Variants in RIPPLY3 observed in about 807,000 individuals in gnomAD.
RIPPLY3 encodes ripply transcriptional repressor 3.
A neutral mutation model predicts 11.9 loss-of-function variants in RIPPLY3; 8 were observed. That is an observed-to-expected ratio of 0.67 (90% CI 0.40 to 1.21). The LOEUF is 1.21. RIPPLY3 is among the 50% of genes most tolerant of loss of function. The probability of loss-of-function intolerance (pLI) is 0.01; values close to 1 mark genes in which losing one functional copy is unlikely to be tolerated. For synonymous variants in RIPPLY3, 102 were observed against 99.0 expected, an observed-to-expected ratio of 1.03 and a Z score of -0.18; for missense variants, 271 against 246.0, an observed-to-expected ratio of 1.10 and a Z score of -0.68.
At chr21:37,010,334 A>G (rs187389516) in intron 2 of RIPPLY3, among the ~76,000 whole-genome samples, 6 of 152,162 alleles carry the variant, frequency 3.9e-5, no homozygotes, top group Admixed American at 1.3e-4. Flanking sequence ...TCTACTAAAA[A>G]TACAAAAGTT....
intron 2 of RIPPLY3, among the ~76,000 whole-genome samples, chr21:37,011,961 G>A (rs1601096909): frequency 6.9e-6 from 1 of 144,756 alleles, no homozygotes; most frequent in Non-Finnish European, 1.5e-5. Flanking sequence ...AAAAAAAATG[G>A]CAGGGAAAAT....
chr21:37,006,768 G>T lies in RIPPLY3; in HGVS notation c.-5G>T, dbSNP rs2069468175. The stretch of plus-strand genomic sequence containing the variant: ...GCAGCAAGGGGCGCGGGCTCCGCCG[G>T]CACCATGGAGCCCGAAGCGGCGGCC... On this transcript the variant is annotated 5_prime_UTR_variant, in exon 1 of 4. Transcript: ENST00000329553. This position sits in a 1 kb window ranked among gnomAD's most constrained non-coding sequence, Gnocchi z 5.2. The T allele has an allele frequency of 8.1e-7, 1 of 1,230,036 alleles. No individual in the cohort carries two copies. The highest frequency in any genetic ancestry group is 1.0e-6 in the Non-Finnish European group (1 of 986,488). 76.2% of individuals were successfully genotyped at this position (1,230,036 alleles called of 1,614,324 possible). A position where few individuals can be genotyped will look rare whatever the true frequency, so the allele number is the denominator to read the frequency against.
chr21:37,009,834 A>C (rs1190068308), intron 2 of RIPPLY3, among the ~76,000 whole-genome samples: 1 of 152,202 alleles, frequency 6.6e-6, no homozygotes, highest in African/African-American at 2.4e-5. Context: ...AGTTCTGTCC[A>C]CGGATGTGGG....
chr21:37,012,262 G>A lies in RIPPLY3; in HGVS notation c.172-1289G>A, dbSNP rs1478366142. On this transcript the variant is annotated intron_variant, in intron 2 of 3. Transcript: ENST00000329553. ...TTATTATTATTATTATTTTTGAGACGGAGTCTCGCTCTGTTGCCAGGCTGG... is the reference window on the plus strand; with the variant it reads ...TTATTATTATTATTATTTTTGAGACAGAGTCTCGCTCTGTTGCCAGGCTGG... Among the ~76,000 whole-genome samples the A allele has an allele frequency of 2.3e-5, 3 of 132,414 alleles. No individual in the cohort carries two copies. In the East Asian group the frequency reaches 6.4e-4, roughly 28 times the overall value. 86.9% of individuals were successfully genotyped at this position (132,414 alleles called of 152,430 possible).
At position 37,018,299 on chromosome 21, in the gene RIPPLY3, G is replaced by A; in HGVS notation, c.*92G>A. The A allele has an allele frequency of 9.2e-7, 1 of 1,088,554 alleles. No individual in the cohort carries two copies. The allele number at this position is 1,088,554 out of a possible 1,614,324, so 67.4% of individuals were successfully genotyped here. A position where few individuals can be genotyped will look rare whatever the true frequency, so the allele number is the denominator to read the frequency against. On this transcript the variant is annotated 3_prime_UTR_variant, in exon 4 of 4. Transcript: ENST00000329553. ...CCAGGACACTACGCATCCCTGCTGA[G>A]TGTGCAGAGGCTAGAGGCTTCTCGG... is the stretch of plus-strand genomic sequence containing the variant.
rs895853940 is a variant in RIPPLY3 at position 37,007,400 on chromosome 21, C to CTTTTTT, written c.104+545_104+550dup. ...TAGCCAGGCAGGAGAAAGATTCCCT[C>CTTTTTT]TTTTTTTTTTTTTTTTTTTTTTTTT... is the stretch of plus-strand genomic sequence containing the variant. On this transcript the variant is annotated intron_variant, in intron 1 of 3. Transcript: ENST00000329553. Among the ~76,000 whole-genome samples, 13 of 86,296 alleles carry CTTTTTT rather than the reference C, an allele frequency of 1.5e-4. No homozygotes were observed. In the East Asian group the frequency reaches 2.5e-3, roughly 17 times the overall value. The allele number at this position is 86,296 out of a possible 152,430, so 56.6% of individuals were successfully genotyped here.
chr21:37,011,187 G>C (rs2069518200), intron 2 of RIPPLY3, among the ~76,000 whole-genome samples: 1 of 152,116 alleles, frequency 6.6e-6, no homozygotes. Flanking sequence ...ATTTGTAGTA[G>C]GGACGGGGGT....
At chr21:37,008,339 C>A in intron 2 of RIPPLY3, 116 bp downstream of exon 2, 1 of 1,013,154 alleles carries the variant, frequency 9.9e-7, no homozygotes, top group Non-Finnish European at 1.5e-6. Flanking sequence ...GGGCGTCTAA[C>A]CCAGGAGCGC....
chr21:37,014,215 G>A (rs2069555465), intron 3 of RIPPLY3, among the ~76,000 whole-genome samples: 1 of 152,150 alleles, frequency 6.6e-6, no homozygotes, highest in African/African-American at 2.4e-5. Flanking sequence ...CTACTTGGGA[G>A]GCTGAGGCAG....
intron 2 of RIPPLY3, among the ~76,000 whole-genome samples, chr21:37,009,984 T>A (rs560182920): frequency 6.6e-6 from 1 of 152,336 alleles, no homozygotes; most frequent in East Asian, 1.9e-4. Context: ...TGCACCGCCC[T>A]GGGTTCCCTG....
intron 2 of RIPPLY3, among the ~76,000 whole-genome samples, chr21:37,010,971 A>T (rs1161354902): frequency 6.6e-6 from 1 of 151,536 alleles, no homozygotes; most frequent in Non-Finnish European, 1.5e-5. Flanking sequence ...CCTTTTGGAA[A>T]ACAATCAGGA....
chr21:37,007,502 G>A (rs1273178077), intron 1 of RIPPLY3, among the ~76,000 whole-genome samples: 1 of 142,224 alleles, frequency 7.0e-6, no homozygotes, highest in Non-Finnish European at 1.5e-5. Flanking sequence ...TCCGCCTCCC[G>A]GGTTCAAGCG....
Position 37,018,917 on chromosome 21 carries a change from C to T in RIPPLY3, c.*710C>T, listed in dbSNP as rs1267113518. 2.0e-5 allele frequency: 3 copies of T among 151,300 alleles called. No homozygotes were observed. Among genetic ancestry groups the T allele is most frequent in the Admixed American group, 1.3e-4 (2 of 15,058 alleles). The allele number at this position is 151,300 out of a possible 1,614,324, so 9.4% of individuals were successfully genotyped here. ...CCATGTTGGTCAGGCTGGCTTTGAA[C>T]TCCTGACCTCAGGTGATCCACCCGC... On this transcript the variant is annotated 3_prime_UTR_variant, in exon 4 of 4. Coordinates refer to ENST00000329553, the MANE Select transcript of RIPPLY3 (RefSeq NM_018962.3).
intron 1 of RIPPLY3, among the ~76,000 whole-genome samples, chr21:37,007,386 G>A (rs1007918965): frequency 3.4e-5 from 5 of 148,562 alleles, no homozygotes; most frequent in African/African-American, 5.1e-5. Flanking sequence ...AGCCAGGCAG[G>A]AGAAAGATTC....
rs115994220 is a variant in RIPPLY3 at position 37,011,624 on chromosome 21, G to T, written c.172-1927G>T. The stretch of plus-strand genomic sequence containing the variant: ...GTGAACAACTTTATGGAAAAGATTT[G>T]GTTTCAAAGAGCCTCATCACTTTCT... On this transcript the variant is annotated intron_variant, in intron 2 of 3. Coordinates refer to ENST00000329553, the MANE Select transcript of RIPPLY3 (RefSeq NM_018962.3). 4.7e-3 allele frequency among the ~76,000 whole-genome samples: 712 copies of T among 152,198 alleles called. 6 individuals carry two copies. Among genetic ancestry groups the T allele is most frequent in the African/African-American group, 0.016 (661 of 41,526 alleles).
intron 2 of RIPPLY3, among the ~76,000 whole-genome samples, chr21:37,008,586 C>G (rs1013792453): frequency 1.3e-5 from 2 of 151,892 alleles, no homozygotes; most frequent in African/African-American, 4.8e-5. Flanking sequence ...GGCGAAACCC[C>G]GTCTCTACTA....
At chr21:37,008,768 A>C (rs567572436) in intron 2 of RIPPLY3, among the ~76,000 whole-genome samples, 36,052 of 146,630 alleles carry the variant, frequency 0.25, 4,660 homozygotes, top group African/African-American at 0.32. Flanking sequence ...AAAAAAAAAA[A>C]AAAAAAAAAA....
At position 37,018,910 on chromosome 21, in the gene RIPPLY3, CT is replaced by C. The variant is rs2069610178; in HGVS notation, c.*706del. On this transcript the variant is annotated 3_prime_UTR_variant, in exon 4 of 4. Coordinates refer to ENST00000329553, the MANE Select transcript of RIPPLY3 (RefSeq NM_018962.3). ...GGTTTCACCATGTTGGTCAGGCTGG[CT>C]TTGAACTCCTGACCTCAGGTGATCC... The C allele has an allele frequency of 6.6e-6, 1 of 151,684 alleles. No homozygotes were observed. Among genetic ancestry groups the C allele is most frequent in the African/African-American group, 2.4e-5 (1 of 41,290 alleles). The allele number at this position is 151,684 out of a possible 1,614,324, so 9.4% of individuals were successfully genotyped here.
chr21:37,018,146 G>C lies in RIPPLY3; in HGVS notation c.512G>C (p.Gly171Ala). The C allele has an allele frequency of 6.2e-7, 1 of 1,613,964 alleles. No individual in the cohort carries two copies. The highest frequency in any genetic ancestry group is 8.5e-7 in the Non-Finnish European group (1 of 1,179,992). Residue 171 changes from glycine (G) to alanine (A), a missense_variant, in exon 4 of 4, where the codon GGG (glycine) becomes GCG (alanine). Physicochemically the swap from Gly to Ala is moderately conservative, Grantham distance 60. Coordinates refer to ENST00000329553, the MANE Select transcript of RIPPLY3 (RefSeq NM_018962.3). ...TCCTCAGGAGGGGGTGACCACTGGG[G>C]GGAGGGTCCGCTCCCTCAAGGTGTC... ...QRSSGGGDHW[G>A]EGPLPQGVSS...
Sources: gnomAD v4.1 joint callset for allele counts (sites outside exome capture counted in the v4.1 genomes callset) on GRCh38, gnomAD v4.1.1 for gene constraint, Gnocchi (gnomAD v3.1) non-coding constraint, MANE v1.5 for transcripts, NCBI Gene and HGNC (gene_info 2026-07-23, HGNC 2026-07-21) for gene names.